Variants in FMN2 observed in about 807,000 individuals in gnomAD.
FMN2 encodes the protein formin 2.
Under a neutral mutation model 142.3 loss-of-function variants are expected in FMN2, and 51 were observed. The ratio of observed to expected loss-of-function variants is 0.36; its 90% confidence interval spans 0.29 to 0.45. FMN2 has a LOEUF of 0.45. FMN2 is among the 20% of genes least tolerant of loss of function. The pLI, the probability that FMN2 is intolerant of heterozygous loss-of-function variation, is 1.00. For missense variants in FMN2, 1,936 were observed against 2,122.8 expected (o/e 0.91, Z 1.73); for synonymous variants, 882 against 869.8 (o/e 1.01, Z -0.25).
In FMN2 at chr1:240,154,129, A is replaced by AAAAAAAAAAAAAAAAAAAG. The variant is rs3047192; in HGVS notation, c.1783-23790_1783-23789insAAAAAAAAAAAAAAAAGAA. Among the ~76,000 whole-genome samples, 4 of 102,150 alleles carry AAAAAAAAAAAAAAAAAAAG rather than the reference A, an allele frequency of 3.9e-5. 1 individual carries two copies. The highest frequency in any genetic ancestry group is 2.6e-4 in the Admixed American group (2 of 7,660). The allele number at this position is 102,150 out of a possible 152,430, so 67.0% of individuals were successfully genotyped here. ...CATCAAAAAAAAAAAAAAAAAAAAA[A>AAAAAAAAAAAAAAAAAAAG]AAGTGTTACTACCTACAAGGCCTAC... On this transcript the variant is annotated intron_variant, in intron 2 of 17. Transcript: ENST00000319653.
rs553014487 is a variant in FMN2, at chr1:240,300,732, G to A, written c.4215+5849G>A. 2.0e-5 allele frequency among the ~76,000 whole-genome samples: 3 copies of A among 152,200 alleles called. No individual in the cohort carries two copies. The South Asian group carries it at 6.2e-4, about 32-fold the overall frequency. On this transcript the variant is annotated intron_variant, in intron 8 of 17. Transcript: ENST00000319653. Reference sequence around the variant, plus strand: ...TGCAGTTTGCTAAGATCAGTGCTAGGTAGTATATTAGGCACATGCATATTT... The same window carrying A: ...TGCAGTTTGCTAAGATCAGTGCTAGATAGTATATTAGGCACATGCATATTT...
chr1:240,376,400 CTTTT>C (rs1673043701), intron 14 of FMN2, among the ~76,000 whole-genome samples: 1 of 151,924 alleles, frequency 6.6e-6, no homozygotes, highest in Non-Finnish European at 1.5e-5. Context: ...TGTTTTCCTT[CTTTT>C]TTTCTTTCCC....
At chr1:240,143,359 C>A in intron 2 of FMN2, 1 of 1,471,390 alleles carries the variant, frequency 6.8e-7, no homozygotes, top group Non-Finnish European at 9.5e-7. Context: ...CAGCAAGTGG[C>A]CAAAGGTTCA....
chr1:240,125,887 T>G (rs1259426101), intron 2 of FMN2, among the ~76,000 whole-genome samples: 1 of 152,204 alleles, frequency 6.6e-6, no homozygotes, highest in Non-Finnish European at 1.5e-5. Flanking sequence ...TCCCTTAATG[T>G]TGTGTGAAGG....
chr1:240,409,021 T>C (rs1674305944), intron 15 of FMN2, among the ~76,000 whole-genome samples: 1 of 152,152 alleles, frequency 6.6e-6, no homozygotes, highest in Non-Finnish European at 1.5e-5. Flanking sequence ...TAAATTAACA[T>C]AACATCCCAA....
intron 1 of FMN2, among the ~76,000 whole-genome samples, chr1:240,096,851 A>G (rs1661215929): frequency 6.6e-6 from 1 of 152,206 alleles, no homozygotes; most frequent in African/African-American, 2.4e-5. Flanking sequence ...ACATTTAGCA[A>G]TGAGGGAGAC....
chr1:240,295,220 A>ACACT (rs1429395838), intron 8 of FMN2, among the ~76,000 whole-genome samples: 2 of 148,946 alleles, frequency 1.3e-5, no homozygotes, highest in Admixed American at 1.3e-4. Flanking sequence ...ACACACACAC[A>ACACT]CACACTCACA....
intron 2 of FMN2, chr1:240,142,724 A>G (rs914349118): frequency 1.6e-5 from 26 of 1,610,594 alleles, no homozygotes; most frequent in Non-Finnish European, 2.2e-5. Flanking sequence ...GAATGGGGGT[A>G]ACAGGAAGAA....
rs78129020 is a variant in FMN2 at position 240,191,562 on chromosome 1, G to A, written c.1986+3300G>A. Among the ~76,000 whole-genome samples, 1,500 of 152,280 alleles carry A rather than the reference G, an allele frequency of 9.9e-3. 27 individuals carry two copies. The highest frequency in any genetic ancestry group is 0.034 in the African/African-American group (1,416 of 41,552). Reference sequence around the variant, plus strand: ...GAATTATGTCATAAAACTGAAATGCGACTGTCTTTTGATTCTGTTTATTAA... The same window carrying A: ...GAATTATGTCATAAAACTGAAATGCAACTGTCTTTTGATTCTGTTTATTAA... On this transcript the variant is annotated intron_variant, in intron 4 of 17. Coordinates refer to ENST00000319653, the MANE Select transcript of FMN2 (RefSeq NM_020066.5).
At chr1:240,174,646 G>A (rs187890453) in intron 2 of FMN2, among the ~76,000 whole-genome samples, 139 of 152,188 alleles carry the variant, frequency 9.1e-4, no homozygotes, top group Middle Eastern at 3.4e-3. Context: ...GATTATAGGC[G>A]GGAGCCACAT....
intron 6 of FMN2, among the ~76,000 whole-genome samples, chr1:240,241,821 CTTGCTTTTTTTT>C (rs1159011126): frequency 1.6e-5 from 2 of 123,292 alleles, no homozygotes; most frequent in African/African-American, 3.5e-5. Flanking sequence ...TTTAGTGTGC[CTTGCTTTTTTTT>C]TTTTTTTTTT....
chr1:240,284,465 C>A (rs1319323480), intron 7 of FMN2, among the ~76,000 whole-genome samples: 1 of 152,086 alleles, frequency 6.6e-6, no homozygotes, highest in Non-Finnish European at 1.5e-5. Flanking sequence ...GTTTTTATTT[C>A]TCTTTAATTC....
intron 6 of FMN2, among the ~76,000 whole-genome samples, chr1:240,243,126 G>C (rs1667967472): frequency 6.6e-6 from 1 of 151,128 alleles, no homozygotes; most frequent in African/African-American, 2.4e-5. Flanking sequence ...TGCGGGAGTA[G>C]ACCGAAAAAA....
At chr1:240,453,085 A>G (rs1038529324) in intron 16 of FMN2, among the ~76,000 whole-genome samples, 3 of 152,182 alleles carry the variant, frequency 2.0e-5, no homozygotes, top group Non-Finnish European at 2.9e-5. Flanking sequence ...TACTATACGC[A>G]CCCAATTGCT....
chr1:240,151,773 T>A (rs1663787133), intron 2 of FMN2, among the ~76,000 whole-genome samples: 1 of 151,968 alleles, frequency 6.6e-6, no homozygotes, highest in Non-Finnish European at 1.5e-5. Flanking sequence ...TTTTTCTTTA[T>A]TTTATTTTTT....
rs1351066507 is a variant in FMN2 at position 240,209,634 on chromosome 1, G to A, written c.3920+902G>A. ...AAATGCACAGCCCTGTCCGGGTGCGGTGGCTCACGCCTGTCATCCCAGCAC... is the reference window on the plus strand; with the variant it reads ...AAATGCACAGCCCTGTCCGGGTGCGATGGCTCACGCCTGTCATCCCAGCAC... On this transcript the variant is annotated intron_variant, in intron 5 of 17. Coordinates refer to ENST00000319653, the MANE Select transcript of FMN2 (RefSeq NM_020066.5). Among the ~76,000 whole-genome samples the A allele has an allele frequency of 2.7e-5, 4 of 149,998 alleles. No individual in the cohort carries two copies. The South Asian group carries it at 8.6e-4, about 32-fold the overall frequency.
At chr1:240,392,782 C>T (rs1484737186) in intron 15 of FMN2, among the ~76,000 whole-genome samples, 1 of 152,076 alleles carries the variant, frequency 6.6e-6, no homozygotes, top group Non-Finnish European at 1.5e-5. Flanking sequence ...TTGTGAATAG[C>T]TTAGCATCTT....
At chr1:240,335,499 G>A (rs1022701659) in intron 13 of FMN2, among the ~76,000 whole-genome samples, 7 of 152,108 alleles carry the variant, frequency 4.6e-5, no homozygotes, top group Admixed American at 6.6e-5. Context: ...ATCTTGGTTT[G>A]CTTATGAAAT....
intron 2 of FMN2, among the ~76,000 whole-genome samples, chr1:240,159,319 A>C (rs1407245003): frequency 3.3e-5 from 5 of 152,118 alleles, no homozygotes; most frequent in African/African-American, 1.2e-4. Context: ...TGTCTTCTAG[A>C]TGACCTTTAG....
Sources: gnomAD v4.1 joint callset for allele counts (sites outside exome capture counted in the v4.1 genomes callset) on GRCh38, gnomAD v4.1.1 for gene constraint, MANE v1.5 for transcripts, NCBI Gene and HGNC (gene_info 2026-07-23, HGNC 2026-07-21) for gene names.